The following PIN4 variants were observed in gnomAD, a reference collection of about 807,000 sequenced individuals.
The protein encoded by PIN4 is peptidyl-prolyl cis-trans isomerase NIMA-interacting 4.
In PIN4, 3 loss-of-function variants were observed where a neutral mutation model predicts 8.3. The observed-to-expected ratio is 0.36, with a 90% CI of 0.16 to 0.93. The LOEUF is 0.93. Ranked by LOEUF, PIN4 falls within the 40% of genes least tolerant of loss-of-function variation. The probability of loss-of-function intolerance (pLI) is 0.44; values close to 1 mark genes in which losing one functional copy is unlikely to be tolerated. For missense variants in PIN4, 75 were observed against 100.6 expected, an observed-to-expected ratio of 0.75 and a Z score of 1.09; for synonymous variants, 18 against 32.5, an observed-to-expected ratio of 0.55 and a Z score of 1.52.
At chrX:72,259,724 C>CTTT (rs761255706) in intron 3 of PIN4, among the ~76,000 whole-genome samples, 47 of 69,028 alleles carry the variant, frequency 6.8e-4, no homozygotes, top group Non-Finnish European at 8.2e-4. Flanking sequence ...AGGCCATATC[C>CTTT]TTTTTTTTTT....
intron 3 of PIN4, among the ~76,000 whole-genome samples, chrX:72,209,834 G>A (rs928536171): frequency 2.7e-5 from 3 of 111,356 alleles, no homozygotes; most frequent in Non-Finnish European, 5.6e-5. Flanking sequence ...CAGTAAGGGC[G>A]CCAAAATAAT....
In PIN4 at chrX:72,196,791, C is replaced by T; in HGVS notation, c.124C>T (p.His42Tyr). 8.3e-7 allele frequency: 1 copy of T among 1,203,100 alleles called. No homozygotes were observed. ...KGGGNAVKVRHILCEKHGKIM... is the reference protein window; with the variant it reads ...KGGGNAVKVRYILCEKHGKIM... ...ATGTACTTTTTCCTTGCAGGTCAGACACATTCTATGTGAAAAACATGGCAA... is the reference window on the plus strand; with the variant it reads ...ATGTACTTTTTCCTTGCAGGTCAGATACATTCTATGTGAAAAACATGGCAA... Residue 42 changes from histidine (H) to tyrosine (Y), a missense_variant, in exon 3 of 4, where the codon CAC (histidine) becomes TAC (tyrosine). His to Tyr is a moderately conservative substitution (Grantham distance 83). Transcript: ENST00000373669.
downstream of PIN4, among the ~76,000 whole-genome samples, chrX:72,201,072 G>T (rs1485743438): frequency 1.8e-5 from 2 of 110,755 alleles, no homozygotes; most frequent in East Asian, 5.7e-4. Flanking sequence ...TGTGGTGTGT[G>T]CCTGTAGTGT....
chrX:72,219,374 T>A (rs6653185), intron 3 of PIN4, among the ~76,000 whole-genome samples: 1 of 99,442 alleles, frequency 1.0e-5, no homozygotes, highest in Middle Eastern at 5.7e-3. Context: ...GCCAACATGG[T>A]GAAACCCCAT....
intron 3 of PIN4, among the ~76,000 whole-genome samples, chrX:72,219,646 G>A (rs1472917689): frequency 9.2e-6 from 1 of 109,280 alleles, no homozygotes; most frequent in Non-Finnish European, 1.9e-5. Flanking sequence ...TCAGGAGTTC[G>A]AAACCAGCCT....
intron 3 of PIN4, chrX:72,239,046 A>C (rs912238480): frequency 1.1e-5 from 7 of 636,589 alleles, no homozygotes; most frequent in Admixed American, 6.2e-5. Flanking sequence ...CGCCGTGGAG[A>C]GGGACACAGC....
intron 3 of PIN4, chrX:72,239,141 G>A: frequency 2.6e-6 from 1 of 386,013 alleles, no homozygotes; most frequent in Non-Finnish European, 4.6e-6. Flanking sequence ...GTGGGCGCCT[G>A]CGCCTACGCG....
intron 3 of PIN4, among the ~76,000 whole-genome samples, chrX:72,262,191 G>C (rs765248737): frequency 4.6e-4 from 52 of 112,456 alleles, no homozygotes; most frequent in African/African-American, 1.6e-3. Flanking sequence ...GTTTGACAAA[G>C]AGCTCTTATC....
chrX:72,251,524 G>A (rs1347382925), intron 3 of PIN4, among the ~76,000 whole-genome samples: 3 of 111,222 alleles, frequency 2.7e-5, no homozygotes. Flanking sequence ...ATATGAAAGT[G>A]TGTGTTTTCC....
intron 3 of PIN4, among the ~76,000 whole-genome samples, chrX:72,239,850 G>T (rs2043041176): frequency 1.8e-5 from 2 of 108,753 alleles, no homozygotes; most frequent in Admixed American, 2.0e-4. Context: ...GGCTAAGGTG[G>T]GAGGATCACT....
chrX:72,192,245 G>A (rs771221796), intron 2 of PIN4, among the ~76,000 whole-genome samples: 14 of 111,432 alleles, frequency 1.3e-4, no homozygotes, highest in Non-Finnish European at 2.3e-4. Flanking sequence ...GAGCCACCTC[G>A]CCCAGTGTAA....
chrX:72,230,281 T>C (rs12844439), intron 3 of PIN4, among the ~76,000 whole-genome samples: 46 of 110,749 alleles, frequency 4.2e-4, no homozygotes, highest in Non-Finnish European at 8.1e-4. Flanking sequence ...AGAGACATGC[T>C]AGCCCCAAGA....
intron 3 of PIN4, among the ~76,000 whole-genome samples, chrX:72,221,669 T>C: frequency 9.0e-6 from 1 of 111,173 alleles, no homozygotes; most frequent in African/African-American, 3.3e-5. Context: ...CAGCCGATGG[T>C]TGGAAAATGT....
rs192839592 is a variant in PIN4 at position 72,253,973 on chromosome X, A to G, written c.313-8734A>G. 4.4e-3 allele frequency among the ~76,000 whole-genome samples: 486 copies of G among 110,793 alleles called. 4 individuals carry two copies. The highest frequency in any genetic ancestry group is 0.015 in the African/African-American group (463 of 30,323). On this transcript the variant is annotated intron_variant, in intron 3 of 3. Transcript: ENST00000423432. ...TGAAACCCTGTCTTAAAAAAAGAAAAAAAATAAAAGAAAAAGAAAAGAAAA... is the reference window on the plus strand; with the variant it reads ...TGAAACCCTGTCTTAAAAAAAGAAAGAAAATAAAAGAAAAAGAAAAGAAAA...
At chrX:72,186,234 C>A in intron 1 of PIN4, 2 of 388,313 alleles carry the variant, frequency 5.2e-6, no homozygotes, top group South Asian at 3.1e-5. Flanking sequence ...TTTTTTTTAG[C>A]TTGTCAACTA....
At chrX:72,238,316 G>T (rs1233995978) in intron 3 of PIN4, among the ~76,000 whole-genome samples, 2 of 111,336 alleles carry the variant, frequency 1.8e-5, no homozygotes, top group Non-Finnish European at 3.8e-5. Flanking sequence ...ATTTTTCAAC[G>T]CCTAGCTCAA....
rs140225715 is a variant in PIN4 at position 72,205,150 on chromosome X, C to T, written c.312+8246C>T. Reference sequence around the variant, plus strand: ...TCCACACTCTTTTAGTTCTTTTCCACGCTTTACAAGAGTCTCATAGTCATT... The same window carrying T: ...TCCACACTCTTTTAGTTCTTTTCCATGCTTTACAAGAGTCTCATAGTCATT... On this transcript the variant is annotated intron_variant, in intron 3 of 3. Transcript: ENST00000423432. 5.6e-5 allele frequency: 68 copies of T among 1,210,029 alleles called. No individual in the cohort carries two copies. In the African/African-American group the frequency reaches 8.9e-4, roughly 16 times the overall value.
At chrX:72,205,341 T>C in intron 3 of PIN4, 3 of 1,212,252 alleles carry the variant, frequency 2.5e-6, no homozygotes, top group Non-Finnish European at 3.3e-6. Context: ...GATCCTCTTC[T>C]GTATACTTGG....
At chrX:72,190,724 T>A (rs890238106) in intron 2 of PIN4, among the ~76,000 whole-genome samples, 2 of 110,283 alleles carry the variant, frequency 1.8e-5, no homozygotes, top group Non-Finnish European at 3.8e-5. Flanking sequence ...AGGCCAAGGC[T>A]TGCGGATCAC....
Sources: gnomAD v4.1 joint callset for allele counts (sites outside exome capture counted in the v4.1 genomes callset) on GRCh38, gnomAD v4.1.1 for gene constraint, MANE v1.5 for transcripts, NCBI Gene and HGNC (gene_info 2026-07-23, HGNC 2026-07-21) for gene names.